NCOR2: variants seen among roughly 807,000 people sequenced by gnomAD.
NCOR2 encodes CTG repeat protein 26.
NCOR2 carries 81 observed loss-of-function variants against 262.9 expected under a neutral mutation model. That is an observed-to-expected ratio of 0.31 (90% CI 0.26 to 0.37). The LOEUF (loss-of-function observed/expected upper bound fraction) is 0.37. Ranked by LOEUF, NCOR2 falls within the 10% of genes least tolerant of loss-of-function variation. The pLI, the probability that NCOR2 is intolerant of heterozygous loss-of-function variation, is 1.00. For missense variants in NCOR2, 3,385 were observed against 3,621.4 expected (o/e 0.93, Z 1.68); for synonymous variants, 1,659 against 1,559.3 (o/e 1.06, Z -1.51).
intron 16 of NCOR2, among the ~76,000 whole-genome samples, chr12:124,397,657 C>A (rs540102913): frequency 1.6e-4 from 25 of 152,216 alleles, no homozygotes; most frequent in Non-Finnish European, 3.1e-4. Context: ...CACACTTGAG[C>A]CCAGGATAGG....
intron 6 of NCOR2, among the ~76,000 whole-genome samples, chr12:124,451,882 C>G (rs1156541557): frequency 1.4e-5 from 2 of 140,220 alleles, no homozygotes; most frequent in East Asian, 5.1e-4. Flanking sequence ...TGCAGCTCTA[C>G]AGAGCCTCAC....
At chr12:124,356,609 TGAA>T (rs777916509) in intron 23 of NCOR2, 30 bp downstream of exon 25, 1 of 1,417,020 alleles carries the variant, frequency 7.1e-7, no homozygotes, top group Non-Finnish European at 9.2e-7. Flanking sequence ...GTGCACTGGC[TGAA>T]GAAGCCCAAG....
intron 1 of NCOR2, among the ~76,000 whole-genome samples, chr12:124,559,051 C>T (rs2137287230): frequency 6.6e-6 from 1 of 152,280 alleles, no homozygotes; most frequent in Non-Finnish European, 1.5e-5. Context: ...AAGACTGACC[C>T]CCAGGAGCCA....
intron 33 of NCOR2, 92 bp from the exon 36 acceptor site, chr12:124,342,166 C>T (rs1191384397): frequency 5.6e-6 from 8 of 1,420,008 alleles, no homozygotes; most frequent in South Asian, 4.2e-5. Flanking sequence ...CTTCTGCACC[C>T]GGACAGCTTC....
At chr12:124,328,484 C>T (rs2034888297) in intron 44 of NCOR2, 1 of 152,476 alleles carries the variant, frequency 6.6e-6, no homozygotes, top group African/African-American at 2.4e-5. Context: ...AGAACACCTC[C>T]TGACAATCGG....
chr12:124,371,333 G>C (rs2039492286), intron 20 of NCOR2, among the ~76,000 whole-genome samples: 2 of 152,082 alleles, frequency 1.3e-5, no homozygotes, highest in Non-Finnish European at 2.9e-5. Context: ...GTAGAACTGT[G>C]TCCCCCCAGA....
At chr12:124,489,268 T>G (rs963715201) in intron 1 of NCOR2, among the ~76,000 whole-genome samples, 1 of 152,022 alleles carries the variant, frequency 6.6e-6, no homozygotes. Context: ...AAAACAACAA[T>G]AATACCCCAC....
intron 22 of NCOR2, among the ~76,000 whole-genome samples, chr12:124,360,654 A>G (rs1593211968): frequency 6.7e-6 from 1 of 149,476 alleles, no homozygotes; most frequent in Non-Finnish European, 1.5e-5. Context: ...CTCACTGTCC[A>G]CCCGCCCACC....
At chr12:124,447,765 C>T (rs2045274321) in intron 7 of NCOR2, among the ~76,000 whole-genome samples, 2 of 151,806 alleles carry the variant, frequency 1.3e-5, no homozygotes, top group African/African-American at 2.4e-5. Context: ...GGTGCAATCA[C>T]GGCTCACTGC....
chr12:124,438,778 C>CAGAGAG lies in NCOR2; in HGVS notation c.816-788_816-783dup, dbSNP rs56072801. On this transcript the variant is annotated intron_variant, in intron 7 of 46. Coordinates refer to ENST00000405201, the Ensembl canonical transcript of NCOR2. ...AGAGAGAGACAGAGACCCAGAGAGA[C>CAGAGAG]AGAGAGAGAGAGAGAGAGAGAGAGA... Among the ~76,000 whole-genome samples the CAGAGAG allele has an allele frequency of 4.0e-3, 241 of 60,066 alleles. 17 individuals are homozygous for CAGAGAG. The highest frequency in any genetic ancestry group is 6.7e-3 in the South Asian group (10 of 1,492). The allele number at this position is 60,066 out of a possible 152,430, so 39.4% of individuals were successfully genotyped here.
intron 22 of NCOR2, among the ~76,000 whole-genome samples, chr12:124,360,536 G>C (rs543109682): frequency 2.0e-5 from 3 of 152,044 alleles, no homozygotes; most frequent in African/African-American, 4.8e-5. Context: ...TTCCCCTTCC[G>C]CAACACACGC....
chr12:124,325,954 A>C (rs987302432), intron 46 of NCOR2, among the ~76,000 whole-genome samples: 1 of 152,088 alleles, frequency 6.6e-6, no homozygotes, highest in Non-Finnish European at 1.5e-5. Context: ...CACCAGGCCC[A>C]TGTGATCTGG....
intron 1 of NCOR2, among the ~76,000 whole-genome samples, chr12:124,526,549 C>T (rs1209454044): frequency 1.3e-5 from 2 of 152,142 alleles, no homozygotes; most frequent in South Asian, 2.1e-4. Context: ...GGACAGCGAA[C>T]GAGGACAAGA....
At chr12:124,495,355 C>CCCGT (rs2048324224), upstream of NCOR2, 6 of 1,450,400 alleles carry the variant, frequency 4.1e-6, no homozygotes, top group Non-Finnish European at 5.4e-6. This position sits in a 1 kb window ranked among gnomAD's most constrained non-coding sequence, Gnocchi z 4.4. Flanking sequence ...CACGGGCCAC[C>CCCGT]CCGTCACTGG....
chr12:124,357,355 G>A (rs914302473), intron 22 of NCOR2, among the ~76,000 whole-genome samples: 2 of 152,170 alleles, frequency 1.3e-5, no homozygotes, highest in Non-Finnish European at 2.9e-5. Context: ...GTCTTGCTAT[G>A]TTGCCCCAGG....
At chr12:124,333,347 C>G in intron 41 of NCOR2, 68 bp from the exon 44 acceptor site, 1 of 1,352,854 alleles carries the variant, frequency 7.4e-7, no homozygotes, top group South Asian at 2.0e-5. Context: ...CCTCCCTCCA[C>G]TCTAAACCAG....
intron 7 of NCOR2, among the ~76,000 whole-genome samples, chr12:124,447,778 C>T (rs1422941098): frequency 6.6e-6 from 1 of 151,848 alleles, no homozygotes. Flanking sequence ...CTCACTGCAG[C>T]CCTGAACTCC....
chr12:124,478,817 A>G (rs544997732), intron 3 of NCOR2, among the ~76,000 whole-genome samples: 1 of 152,286 alleles, frequency 6.6e-6, no homozygotes, highest in East Asian at 1.9e-4. Flanking sequence ...TGACAGACAC[A>G]CACAAACAGA....
Position 124,433,875 on chromosome 12 carries a change from C to CACACACACACACAA in NCOR2, c.883-3089_883-3088insTTGTGTGTGTGTGT, listed in dbSNP as rs2044153859. On this transcript the variant is annotated intron_variant, in intron 8 of 46. Coordinates refer to ENST00000405201, the Ensembl canonical transcript of NCOR2. ...ACACACACACACACACACACACACACACACACACACACACACACACACACG... is the reference window on the plus strand; with the variant it reads ...ACACACACACACACACACACACACACACACACACACACAAACACACACACACACACACACACACG... 7.3e-5 allele frequency among the ~76,000 whole-genome samples: 7 copies of CACACACACACACAA among 96,162 alleles called. No homozygotes were observed. In the South Asian group the frequency reaches 1.5e-3, roughly 20 times the overall value. The allele number at this position is 96,162 out of a possible 152,430, so 63.1% of individuals were successfully genotyped here.
Sources: gnomAD v4.1 joint callset for allele counts (sites outside exome capture counted in the v4.1 genomes callset) on GRCh38, gnomAD v4.1.1 for gene constraint, Gnocchi (gnomAD v3.1) non-coding constraint, MANE v1.5 for transcripts, NCBI Gene and HGNC (gene_info 2026-07-23, HGNC 2026-07-21) for gene names.